The following RELN variants were observed in gnomAD, a reference collection of about 807,000 sequenced individuals.
The protein encoded by RELN is reelin.
In RELN, 108 loss-of-function variants were observed where a neutral mutation model predicts 427.6. That is an observed-to-expected ratio of 0.25 (90% CI 0.22 to 0.30). The LOEUF (loss-of-function observed/expected upper bound fraction) is 0.30, where lower values mean the gene tolerates loss of function less well. Ranked by LOEUF, RELN falls within the 10% of genes least tolerant of loss-of-function variation. The probability of loss-of-function intolerance (pLI) is 1.00; values close to 1 mark genes in which losing one functional copy is unlikely to be tolerated. For synonymous variants in RELN, 1,524 were observed against 1,513.4 expected (o/e 1.01, Z -0.16); for missense variants, 3,715 against 4,302.8 (o/e 0.86, Z 3.82).
chr7:103,655,526 A>G (rs1198652614), intron 12 of RELN, among the ~76,000 whole-genome samples: 1 of 152,118 alleles, frequency 6.6e-6, no homozygotes, highest in Admixed American at 6.6e-5. Context: ...TTTGATATTA[A>G]ATAAACTAAG....
In RELN at chr7:103,906,005, G is replaced by C. The variant is rs77938857; in HGVS notation, c.337+11070C>G. Among the ~76,000 whole-genome samples, 1,043 of 152,268 alleles carry C rather than the reference G, an allele frequency of 6.8e-3. 13 individuals are homozygous for C. Among genetic ancestry groups the C allele is most frequent in the East Asian group, 0.054 (278 of 5,166 alleles). On this transcript the variant is annotated intron_variant, in intron 2 of 64. Transcript: ENST00000428762. ...ATTCCAAGGGACACAAACAAGGGCAGTAGACGTTTAAAAGAGCTGGAATTT... is the reference window on the plus strand; with the variant it reads ...ATTCCAAGGGACACAAACAAGGGCACTAGACGTTTAAAAGAGCTGGAATTT...
At chr7:103,967,809 C>A (rs1415155129) in intron 1 of RELN, among the ~76,000 whole-genome samples, 1 of 152,170 alleles carries the variant, frequency 6.6e-6, no homozygotes, top group Non-Finnish European at 1.5e-5. Context: ...TTTCCCTCTC[C>A]TTTCCTGTCA....
rs761437325 is a variant in RELN, at chr7:103,561,962, A to G, written c.5211-9T>C. The G allele has an allele frequency of 1.1e-6, 1 of 921,842 alleles. No individual in the cohort carries two copies. The highest frequency in any genetic ancestry group is 2.6e-5 in the Admixed American group (1 of 39,056). The allele number at this position is 921,842 out of a possible 1,614,324, so 57.1% of individuals were successfully genotyped here. A position where few individuals can be genotyped will look rare whatever the true frequency, so the allele number is the denominator to read the frequency against. ...ACCGGGTCCTGGGAGAACTAACCAA[A>G]AAAAAAAAAAAAAAAACACACCACT... On this transcript the variant is annotated splice_polypyrimidine_tract_variant and intron_variant, in intron 34 of 64. Coordinates refer to ENST00000428762, the MANE Select transcript of RELN (RefSeq NM_005045.4).
chr7:103,726,220 C>G (rs114597340), intron 7 of RELN, among the ~76,000 whole-genome samples: 1 of 152,002 alleles, frequency 6.6e-6, no homozygotes, highest in Non-Finnish European at 1.5e-5. Flanking sequence ...AACTTGGGTA[C>G]AATGTATATT....
chr7:103,894,960 A>T (rs1480472593), intron 2 of RELN, among the ~76,000 whole-genome samples: 1 of 152,154 alleles, frequency 6.6e-6, no homozygotes, highest in African/African-American at 2.4e-5. Flanking sequence ...CTCTGGCTCA[A>T]CCATGTAATC....
chr7:103,630,866 T>TG (rs1256268103), intron 19 of RELN, among the ~76,000 whole-genome samples: 10 of 144,276 alleles, frequency 6.9e-5, no homozygotes, highest in South Asian at 2.2e-4. Flanking sequence ...TTTTGTTTTT[T>TG]TTTTTTTTGT....
At chr7:103,511,331 T>C (rs1441064356) in intron 50 of RELN, among the ~76,000 whole-genome samples, 2 of 152,198 alleles carry the variant, frequency 1.3e-5, no homozygotes, top group East Asian at 1.9e-4. Context: ...TTAGATAGCA[T>C]ATAAAGAAGT....
chr7:103,930,921 T>C (rs1416777239), intron 1 of RELN, among the ~76,000 whole-genome samples: 1 of 151,098 alleles, frequency 6.6e-6, no homozygotes, highest in East Asian at 2.0e-4. Flanking sequence ...TCTCCTTCTG[T>C]TCTTTTTAAA....
At chr7:103,951,732 G>A (rs1361608133) in intron 1 of RELN, among the ~76,000 whole-genome samples, 1 of 151,860 alleles carries the variant, frequency 6.6e-6, no homozygotes, top group Non-Finnish European at 1.5e-5. Context: ...AAGTGCAGTG[G>A]CACGATCTCA....
At chr7:103,831,880 T>C (rs1793281583) in intron 3 of RELN, among the ~76,000 whole-genome samples, 1 of 152,158 alleles carries the variant, frequency 6.6e-6, no homozygotes, top group Non-Finnish European at 1.5e-5. Flanking sequence ...GACCACAATA[T>C]GTAGGATATA....
At chr7:103,774,176 A>G (rs10239149) in intron 4 of RELN, among the ~76,000 whole-genome samples, 7,118 of 151,952 alleles carry the variant, frequency 0.047, 589 homozygotes, top group African/African-American at 0.16. Context: ...ACACACCTGT[A>G]ATCCCAGCTA....
intron 52 of RELN, among the ~76,000 whole-genome samples, chr7:103,501,453 A>G (rs1829025853): frequency 6.6e-6 from 1 of 152,178 alleles, no homozygotes; most frequent in Non-Finnish European, 1.5e-5. Flanking sequence ...GGTTATATTA[A>G]AGGACATTTT....
intron 28 of RELN, among the ~76,000 whole-genome samples, chr7:103,585,534 T>C (rs1584318924): frequency 6.6e-6 from 1 of 152,098 alleles, no homozygotes; most frequent in East Asian, 1.9e-4. Flanking sequence ...ATGCCAATAA[T>C]AAGTAATGAT....
intron 16 of RELN, among the ~76,000 whole-genome samples, chr7:103,642,345 T>C (rs532092889): frequency 2.8e-5 from 4 of 140,950 alleles, no homozygotes; most frequent in East Asian, 2.2e-4. Context: ...AGAGATTTCA[T>C]AGTGTTTTTT....
intron 28 of RELN, among the ~76,000 whole-genome samples, chr7:103,582,908 C>A (rs1330816471): frequency 6.6e-6 from 1 of 152,094 alleles, no homozygotes; most frequent in African/African-American, 2.4e-5. Context: ...TTTTATATGT[C>A]CAGTGTAGGT....
At chr7:103,586,418 A>C (rs1245134933) in intron 28 of RELN, among the ~76,000 whole-genome samples, 1 of 152,142 alleles carries the variant, frequency 6.6e-6, no homozygotes, top group Non-Finnish European at 1.5e-5. Flanking sequence ...ACCCACAGCC[A>C]ACATTATACT....
chr7:103,898,384 T>G (rs992417411), intron 2 of RELN, among the ~76,000 whole-genome samples: 1 of 152,070 alleles, frequency 6.6e-6, no homozygotes, highest in African/African-American at 2.4e-5. Flanking sequence ...TTTTTCAAAA[T>G]TTTCCTATCA....
At chr7:103,507,831 A>G (rs1829266759) in intron 51 of RELN, among the ~76,000 whole-genome samples, 2 of 152,246 alleles carry the variant, frequency 1.3e-5, no homozygotes, top group Admixed American at 1.3e-4. Context: ...AATAGACACA[A>G]TAAAAAATGA....
At chr7:103,825,605 A>C (rs1793117874) in intron 3 of RELN, among the ~76,000 whole-genome samples, 1 of 152,038 alleles carries the variant, frequency 6.6e-6, no homozygotes, top group South Asian at 2.1e-4. Flanking sequence ...ATTTCTGTAA[A>C]TGTCACGGTA....
Sources: gnomAD v4.1 joint callset for allele counts (sites outside exome capture counted in the v4.1 genomes callset) on GRCh38, gnomAD v4.1.1 for gene constraint, MANE v1.5 for transcripts, NCBI Gene and HGNC (gene_info 2026-07-23, HGNC 2026-07-21) for gene names.